Variants in ZFAND3 observed in about 807,000 individuals in gnomAD.
ZFAND3 encodes zinc finger AN1-type containing 3.
Under a neutral mutation model 29.6 loss-of-function variants are expected in ZFAND3, and 10 were observed. The observed-to-expected ratio is 0.34, with a 90% CI of 0.21 to 0.57. The LOEUF (loss-of-function observed/expected upper bound fraction) is 0.57. Ranked by LOEUF, ZFAND3 falls within the 20% of genes least tolerant of loss-of-function variation. The probability of loss-of-function intolerance (pLI) is 0.86; values close to 1 mark genes in which losing one functional copy is unlikely to be tolerated. For missense variants in ZFAND3, 230 were observed against 304.5 expected (o/e 0.76, Z 1.82); for synonymous variants, 128 against 112.6 (o/e 1.14, Z -0.87).
At chr6:37,918,332 C>T (rs1041099989) in intron 1 of ZFAND3, among the ~76,000 whole-genome samples, 1 of 152,196 alleles carries the variant, frequency 6.6e-6, no homozygotes, top group African/African-American at 2.4e-5. Flanking sequence ...GCCTCAGCCT[C>T]CCAAAGTGCG....
In ZFAND3 at chr6:38,028,157, G is replaced by C. The variant is rs140839992; in HGVS notation, c.113-33436G>C. Among the ~76,000 whole-genome samples the C allele has an allele frequency of 7.2e-5, 11 of 152,306 alleles. No homozygotes were observed. In the East Asian group the frequency reaches 1.9e-3, roughly 27 times the overall value. On this transcript the variant is annotated intron_variant, in intron 2 of 5. Coordinates refer to ENST00000287218, the MANE Select transcript of ZFAND3 (RefSeq NM_021943.3). ...CAATCAGTTCCAAGAACAGGCTAAAGCACTTCCTTCCTTTTCTCTGTTCTG... is the reference window on the plus strand; with the variant it reads ...CAATCAGTTCCAAGAACAGGCTAAACCACTTCCTTCCTTTTCTCTGTTCTG...
chr6:38,008,514 C>T (rs1001904262), intron 2 of ZFAND3, among the ~76,000 whole-genome samples: 16 of 152,054 alleles, frequency 1.1e-4, no homozygotes, highest in African/African-American at 3.6e-4. Flanking sequence ...TAATCTACTC[C>T]ACCCCTTCTC....
In ZFAND3 at chr6:37,877,352, GTGTTTT is replaced by G. The variant is rs558950370; in HGVS notation, c.72-52587_72-52582del. Among the ~76,000 whole-genome samples the G allele has an allele frequency of 2.2e-4, 33 of 152,282 alleles. No individual in the cohort carries two copies. The East Asian group carries it at 2.3e-3, about 11-fold the overall frequency. ...TGTTTCCTTGGTAGCTGGTTGTGGA[GTGTTTT>G]TGTTTTTGTTTTTGTTTTTTAATTT... is the stretch of plus-strand genomic sequence containing the variant. On this transcript the variant is annotated intron_variant, in intron 1 of 5. Transcript: ENST00000287218.
intron 1 of ZFAND3, among the ~76,000 whole-genome samples, chr6:37,907,144 AAATT>A (rs1415966554): frequency 6.6e-6 from 1 of 152,040 alleles, no homozygotes; most frequent in East Asian, 1.9e-4. Context: ...CTGCACTAAC[AAATT>A]ATCAGATTTA....
intron 5 of ZFAND3, chr6:38,142,395 C>T (rs1241254142): frequency 2.1e-6 from 1 of 469,788 alleles, no homozygotes; most frequent in Admixed American, 2.3e-5. Flanking sequence ...CAGGCCACAG[C>T]TCCCTGGTGA....
intron 2 of ZFAND3, among the ~76,000 whole-genome samples, chr6:37,936,989 A>G (rs1342859884): frequency 6.9e-6 from 1 of 144,698 alleles, no homozygotes; most frequent in Non-Finnish European, 1.6e-5. Context: ...AGAAGAGGAT[A>G]ACAAATTCCC....
In ZFAND3 at chr6:38,082,155, T is replaced by TTG. The variant is rs1764676323; in HGVS notation, c.296-230_296-229dup. Among the ~76,000 whole-genome samples the TTG allele has an allele frequency of 4.0e-5, 6 of 148,766 alleles. No individual in the cohort carries two copies. In the South Asian group the frequency reaches 8.5e-4, roughly 21 times the overall value. On this transcript the variant is annotated intron_variant, in intron 3 of 5. Transcript: ENST00000287218. ...TGAGACTCGGCTGTTTTTTTTTTTT[T>TTG]TGTGTGTGAAAAGCATGTTAGAATG... is the stretch of plus-strand genomic sequence containing the variant.
chr6:38,134,659 A>G (rs1042172907), intron 5 of ZFAND3, among the ~76,000 whole-genome samples: 2 of 152,218 alleles, frequency 1.3e-5, no homozygotes, highest in Non-Finnish European at 2.9e-5. Context: ...GAAGATCAGT[A>G]TCAATGAAGT....
intron 4 of ZFAND3, among the ~76,000 whole-genome samples, chr6:38,108,988 A>G (rs1200223702): frequency 1.3e-5 from 2 of 152,172 alleles, no homozygotes; most frequent in Non-Finnish European, 2.9e-5. Context: ...AAAGTTGGGT[A>G]AAGACTAAAT....
At chr6:38,068,120 T>G (rs577580154) in intron 3 of ZFAND3, among the ~76,000 whole-genome samples, 33 of 152,294 alleles carry the variant, frequency 2.2e-4, no homozygotes, top group Non-Finnish European at 4.6e-4. Flanking sequence ...TGGAGGTACA[T>G]ACTAAGAATT....
chr6:38,080,154 C>T (rs924282736), intron 3 of ZFAND3, among the ~76,000 whole-genome samples: 14 of 151,414 alleles, frequency 9.2e-5, no homozygotes, highest in African/African-American at 7.3e-5. Flanking sequence ...CAGAGCCTGT[C>T]GGAGGGTGGG....
chr6:37,861,454 A>C (rs1057103577), intron 1 of ZFAND3, among the ~76,000 whole-genome samples: 1 of 152,088 alleles, frequency 6.6e-6, no homozygotes, highest in Non-Finnish European at 1.5e-5. Flanking sequence ...AACATGATAA[A>C]AAAGACGAGT....
At chr6:37,878,422 G>A (rs536863082) in intron 1 of ZFAND3, among the ~76,000 whole-genome samples, 74 of 152,024 alleles carry the variant, frequency 4.9e-4, no homozygotes, top group Non-Finnish European at 9.4e-4. Flanking sequence ...GCTCCCCAGC[G>A]CTTGATGTAG....
rs190025045 is a variant in ZFAND3 at position 37,986,227 on chromosome 6, A to T, written c.112+56228A>T. Reference sequence around the variant, plus strand: ...GATATTGCCCATTAGACTGGCAGGTATCCTTGAGTTTGCCAGTCTAAACTA... The same window carrying T: ...GATATTGCCCATTAGACTGGCAGGTTTCCTTGAGTTTGCCAGTCTAAACTA... On this transcript the variant is annotated intron_variant, in intron 2 of 5. Coordinates refer to ENST00000287218, the MANE Select transcript of ZFAND3 (RefSeq NM_021943.3). Among the ~76,000 whole-genome samples, 213 of 152,072 alleles carry T rather than the reference A, an allele frequency of 1.4e-3. 2 individuals are homozygous for T. The highest frequency in any genetic ancestry group is 4.8e-3 in the African/African-American group (197 of 41,458).
At chr6:38,019,784 C>T (rs375453925) in intron 2 of ZFAND3, among the ~76,000 whole-genome samples, 16 of 152,304 alleles carry the variant, frequency 1.1e-4, no homozygotes, top group Non-Finnish European at 1.5e-4. Flanking sequence ...CAGTGTGGCA[C>T]GATCTCGGCT....
rs182817873 is a variant in ZFAND3 at position 38,042,151 on chromosome 6, C to T, written c.113-19442C>T. Among the ~76,000 whole-genome samples the T allele has an allele frequency of 3.4e-3, 522 of 151,634 alleles. 4 individuals are homozygous for T. Among genetic ancestry groups the T allele is most frequent in the African/African-American group, 0.012 (499 of 41,378 alleles). On this transcript the variant is annotated intron_variant, in intron 2 of 5. Coordinates refer to ENST00000287218, the MANE Select transcript of ZFAND3 (RefSeq NM_021943.3). ...CCTGGCCTAATATATATCTTTTGTA[C>T]TTGTTTTGTTTTCCTTAAAATGATT...
intron 2 of ZFAND3, among the ~76,000 whole-genome samples, chr6:37,987,511 A>C (rs1762691175): frequency 6.6e-6 from 1 of 152,218 alleles, no homozygotes; most frequent in South Asian, 2.1e-4. Context: ...TATAAATCTG[A>C]ATCTATAAAT....
chr6:37,992,048 A>G (rs1055483180), intron 2 of ZFAND3, among the ~76,000 whole-genome samples: 3 of 152,186 alleles, frequency 2.0e-5, no homozygotes, highest in Admixed American at 1.3e-4. Context: ...TTTTGAAAAT[A>G]CTTTATTCTT....
At chr6:37,924,893 C>G (rs1389643436) in intron 1 of ZFAND3, among the ~76,000 whole-genome samples, 1 of 151,948 alleles carries the variant, frequency 6.6e-6, no homozygotes, top group Non-Finnish European at 1.5e-5. Context: ...ATATGAGCAA[C>G]AAGAAAGAGA....
Sources: gnomAD v4.1 joint callset for allele counts (sites outside exome capture counted in the v4.1 genomes callset) on GRCh38, gnomAD v4.1.1 for gene constraint, MANE v1.5 for transcripts, NCBI Gene and HGNC (gene_info 2026-07-23, HGNC 2026-07-21) for gene names.